Variants in BBC3 observed in about 807,000 individuals in gnomAD.
BBC3 encodes BCL2 binding component 3, also known as bcl-2-binding component 3.
BBC3 carries 5 observed loss-of-function variants against 18.2 expected under a neutral mutation model. That is an observed-to-expected ratio of 0.27 (90% CI 0.14 to 0.58). The LOEUF (loss-of-function observed/expected upper bound fraction) is 0.58. BBC3 is among the 20% of genes least tolerant of loss of function. The pLI is 0.91. For synonymous variants in BBC3, 119 were observed against 128.0 expected (o/e 0.93, Z 0.47); for missense variants, 224 against 268.9 (o/e 0.83, Z 1.17).
chr19:47,229,551 AAC>A (rs1293470324), intron 1 of BBC3, among the ~76,000 whole-genome samples: 1 of 151,290 alleles, frequency 6.6e-6, no homozygotes, highest in East Asian at 1.9e-4. Context: ...ACCCACAGAA[AAC>A]ACTGGTCTCA....
rs2058875104 is a variant in BBC3 at position 47,228,892 on chromosome 19, G to A, written c.-15-446C>T. The stretch of plus-strand genomic sequence containing the variant: ...GAGGCCCCCACAGCACACACACAAG[G>A]ACTCACACGGGACTGGCCAGCCTGA... On this transcript the variant is annotated intron_variant, in intron 1 of 3. Transcript: ENST00000439096. The surrounding 1 kb of genome is among the most constrained non-coding windows in gnomAD (Gnocchi z 5.5). Among the ~76,000 whole-genome samples, 1 of 151,840 alleles carries A rather than the reference G, an allele frequency of 6.6e-6. No individual in the cohort carries two copies. Among genetic ancestry groups the A allele is most frequent in the Admixed American group, 6.6e-5 (1 of 15,240 alleles).
chr19:47,225,754 T>C (rs1056702204), intron 3 of BBC3, among the ~76,000 whole-genome samples: 2 of 152,150 alleles, frequency 1.3e-5, no homozygotes, highest in African/African-American at 2.4e-5. Context: ...AACTATGTCA[T>C]ATACGCTAAG....
At chr19:47,231,850 C>G (rs1001190751), upstream of BBC3, among the ~76,000 whole-genome samples, 1 of 152,162 alleles carries the variant, frequency 6.6e-6, no homozygotes, top group African/African-American at 2.4e-5. The surrounding 1 kb of genome is among the most constrained non-coding windows in gnomAD (Gnocchi z 4.0). Context: ...GGCACCCACA[C>G]CACACACACG....
In BBC3 at chr19:47,231,177, G is replaced by T. The variant is rs968592497; in HGVS notation, c.-264C>A. 1.8e-5 allele frequency: 18 copies of T among 983,964 alleles called. No homozygotes were observed. The highest frequency in any genetic ancestry group is 6.2e-5 in the Admixed American group (1 of 16,038). The allele number at this position is 983,964 out of a possible 1,614,324, so 61.0% of individuals were successfully genotyped here. ...CGCCGCCGCCGCCAGGCGCCCGCTCGCATGTGGCTCGCGCCGCGTCTCAGG... is the reference window on the plus strand; with the variant it reads ...CGCCGCCGCCGCCAGGCGCCCGCTCTCATGTGGCTCGCGCCGCGTCTCAGG... On this transcript the variant is annotated 5_prime_UTR_variant, in exon 1 of 4. Coordinates refer to ENST00000439096, the MANE Select transcript of BBC3 (RefSeq NM_014417.5). The surrounding 1 kb of genome is among the most constrained non-coding windows in gnomAD (Gnocchi z 4.0).
Position 47,221,828 on chromosome 19 carries a change from T to C in BBC3, c.556A>G (p.Arg186Gly). 1 of 1,613,624 alleles carries C rather than the reference T, an allele frequency of 6.2e-7. No homozygotes were observed. ...MGLLPLPRGH[R>G]APEMEPN ...TAATTGGGCTCCATCTCGGGGGCTC[T>C]GTGGCCCCTGGGTAAGGGCAGGAGT... Residue 186 changes from arginine to glycine, a missense_variant, in exon 4 of 4, where the codon AGA becomes GGA. Physicochemically the swap from Arg to Gly is moderately radical, Grantham distance 125. Transcript: ENST00000439096.
chr19:47,232,342 C>T (rs1187914423), upstream of BBC3, among the ~76,000 whole-genome samples: 2 of 152,238 alleles, frequency 1.3e-5, no homozygotes, highest in African/African-American at 4.8e-5. Flanking sequence ...CAAGAGCAAA[C>T]TCCGTCTTAA....
chr19:47,221,960 G>A, intron 3 of BBC3, 42 bp from the exon 4 acceptor site: 1 of 1,534,874 alleles, frequency 6.5e-7, no homozygotes, highest in Non-Finnish European at 8.9e-7. Context: ...AGGGGACTGA[G>A]TATGGTGATG....
At chr19:47,224,084 C>T (rs572117057) in intron 3 of BBC3, among the ~76,000 whole-genome samples, 65 of 152,212 alleles carry the variant, frequency 4.3e-4, no homozygotes, top group African/African-American at 1.5e-3. Flanking sequence ...CACCTGAGGT[C>T]GGGAATTCAA....
intron 2 of BBC3, among the ~76,000 whole-genome samples, chr19:47,227,927 C>G (rs772363669): frequency 1.2e-4 from 18 of 152,118 alleles, no homozygotes; most frequent in Admixed American, 2.0e-4. Flanking sequence ...GGCTGCAATT[C>G]GGGGACTGCA....
Position 47,231,129 on chromosome 19 carries a change from G to A in BBC3, c.-216C>T, listed in dbSNP as rs1368393415. 1.0e-5 allele frequency: 10 copies of A among 983,682 alleles called. No individual in the cohort carries two copies. Among genetic ancestry groups the A allele is most frequent in the South Asian group, 4.5e-5 (1 of 22,118 alleles). 60.9% of individuals were successfully genotyped at this position (983,682 alleles called of 1,614,324 possible). On this transcript the variant is annotated 5_prime_UTR_variant, in exon 1 of 4. Coordinates refer to ENST00000439096, the MANE Select transcript of BBC3 (RefSeq NM_014417.5). The surrounding 1 kb of genome is among the most constrained non-coding windows in gnomAD (Gnocchi z 4.0). ...CCGCAGGCGCGTCCGCGTCGTGGCC[G>A]CTGCTGGGATCGCTGGTGCCGCCGC...
At position 47,221,474 on chromosome 19, in the gene BBC3, A is replaced by T. The variant is rs1353263997; in HGVS notation, c.*328T>A. On this transcript the variant is annotated 3_prime_UTR_variant, in exon 4 of 4. Transcript: ENST00000439096. ...CTGCAGCTGGAACGGGCACCAGCAC[A>T]ACAGCCTTTCCTGAGATGGTGGTGG... The T allele has an allele frequency of 7.4e-6, 2 of 270,562 alleles. No homozygotes were observed. Among genetic ancestry groups the T allele is most frequent in the East Asian group, 3.7e-4 (2 of 5,472 alleles). 16.8% of individuals were successfully genotyped at this position (270,562 alleles called of 1,614,324 possible).
At chr19:47,227,568 T>TGCCG (rs1489016625) in intron 2 of BBC3, among the ~76,000 whole-genome samples, 2 of 152,112 alleles carry the variant, frequency 1.3e-5, no homozygotes, top group Non-Finnish European at 2.9e-5. Context: ...CTAGAGCGCC[T>TGCCG]GCCGGCAGGG....
chr19:47,228,452 G>A lies in BBC3; in HGVS notation c.-15-6C>T. The A allele has an allele frequency of 1.6e-6, 2 of 1,231,856 alleles. No homozygotes were observed. Among genetic ancestry groups the A allele is most frequent in the Non-Finnish European group, 2.0e-6 (2 of 987,694 alleles). 76.3% of individuals were successfully genotyped at this position (1,231,856 alleles called of 1,614,324 possible). A position where few individuals can be genotyped will look rare whatever the true frequency, so the allele number is the denominator to read the frequency against. On this transcript the variant is annotated splice_region_variant and splice_polypyrimidine_tract_variant and intron_variant, in intron 1 of 3. Transcript: ENST00000439096. The surrounding 1 kb of genome is among the most constrained non-coding windows in gnomAD (Gnocchi z 5.5). ...GCCATGGCGCTCCCTGGGGCCTGCG[G>A]GACACGGGAGGAGGAGCAGGTCAGC...
upstream of BBC3, chr19:47,232,492 C>T: frequency 5.2e-6 from 8 of 1,538,524 alleles, no homozygotes; most frequent in Non-Finnish European, 7.0e-6. Context: ...CACGTCGGAG[C>T]ATGCACACCT....
chr19:47,226,723 C>T lies in BBC3; in HGVS notation c.306G>A (p.Gln102=), dbSNP rs1418476617. The T allele has an allele frequency of 4.2e-6, 6 of 1,421,692 alleles. No homozygotes were observed. The African/African-American group carries it at 9.1e-5, about 22-fold the overall frequency. 88.1% of individuals were successfully genotyped at this position (1,421,692 alleles called of 1,614,324 possible). ...CGCTGGGCACGGGCGACTCCAGGTG[C>T]TGCTCCGCCAGCGAGAGCGAGGGCT... ...GPQPSLSLAE[Q]HLESPVPSAP... is the part of the protein sequence containing the mutation. The change falls in exon 3 of 4, where the codon CAG becomes CAA. Residue 102 remains glutamine, a synonymous_variant. Coordinates refer to ENST00000439096, the MANE Select transcript of BBC3 (RefSeq NM_014417.5).
chr19:47,226,525 G>T, intron 3 of BBC3, 39 bp downstream of exon 3: 2 of 1,485,940 alleles, frequency 1.3e-6, no homozygotes, highest in Non-Finnish European at 1.8e-6. Flanking sequence ...TCCTCCGGCG[G>T]AAGTCCCACC....
chr19:47,230,518 G>A lies in BBC3; in HGVS notation c.-16+411C>T, dbSNP rs1468952272. Among the ~76,000 whole-genome samples the A allele has an allele frequency of 6.6e-6, 1 of 150,774 alleles. No individual in the cohort carries two copies. Among genetic ancestry groups the A allele is most frequent in the Admixed American group, 6.6e-5 (1 of 15,134 alleles). On this transcript the variant is annotated intron_variant, in intron 1 of 3. Coordinates refer to ENST00000439096, the MANE Select transcript of BBC3 (RefSeq NM_014417.5). The surrounding 1 kb of genome is among the most constrained non-coding windows in gnomAD (Gnocchi z 6.7). ...AGGAGCCGCAGACTCCACGGCCCGC[G>A]AGCCGCCCCCCGTCGCCGCCCCCAG...
chr19:47,225,559 T>C (rs2058804633), intron 3 of BBC3, among the ~76,000 whole-genome samples: 2 of 151,256 alleles, frequency 1.3e-5, no homozygotes, highest in Admixed American at 6.6e-5. Context: ...GATCTCATTA[T>C]GTGGCCCAGG....
Position 47,230,975 on chromosome 19 carries a change from G to A in BBC3, c.-62C>T. 2 of 984,602 alleles carry A rather than the reference G, an allele frequency of 2.0e-6. No individual in the cohort carries two copies. The highest frequency in any genetic ancestry group is 2.4e-6 in the Non-Finnish European group (2 of 828,978). 61.0% of individuals were successfully genotyped at this position (984,602 alleles called of 1,614,324 possible). A position where few individuals can be genotyped will look rare whatever the true frequency, so the allele number is the denominator to read the frequency against. On this transcript the variant is annotated 5_prime_UTR_variant, in exon 1 of 4. Coordinates refer to ENST00000439096, the MANE Select transcript of BBC3 (RefSeq NM_014417.5). This position sits in a 1 kb window ranked among gnomAD's most constrained non-coding sequence, Gnocchi z 6.7. ...GAGGGGGCGGCGGTGGGGGGCGGGC[G>A]GCTTCCTTCAGGAGGGCGCGCCCGC...
Sources: gnomAD v4.1 joint callset for allele counts (sites outside exome capture counted in the v4.1 genomes callset) on GRCh38, gnomAD v4.1.1 for gene constraint, Gnocchi (gnomAD v3.1) non-coding constraint, MANE v1.5 for transcripts, NCBI Gene and HGNC (gene_info 2026-07-23, HGNC 2026-07-21) for gene names.